The following LRRC56 variants were observed in gnomAD, a reference collection of about 807,000 sequenced individuals.
LRRC56 encodes the protein leucine rich repeat containing 56.
Under a neutral mutation model 47.8 loss-of-function variants are expected in LRRC56, and 41 were observed. The observed-to-expected ratio is 0.86, with a 90% confidence interval of 0.67 to 1.11. The LOEUF (loss-of-function observed/expected upper bound fraction) is 1.11, where lower values mean the gene tolerates loss of function less well. LRRC56 is among the 50% of genes most tolerant of loss of function. LRRC56 has a pLI of 0.00. For synonymous variants in LRRC56, 387 were observed against 311.2 expected (o/e 1.24, Z -2.56); for missense variants, 759 against 704.2 (o/e 1.08, Z -0.88).
At chr11:546,036 C>T (rs764427966) in intron 6 of LRRC56, among the ~76,000 whole-genome samples, 2 of 152,138 alleles carry the variant, frequency 1.3e-5, no homozygotes, top group Non-Finnish European at 2.9e-5. Flanking sequence ...TTTGGGAGGC[C>T]GAGGTGGGCA....
intron 7 of LRRC56, 30 bp from the exon 8 acceptor site, chr11:550,042 G>A (rs373024894): frequency 6.2e-7 from 1 of 1,611,474 alleles, no homozygotes; most frequent in Non-Finnish European, 8.5e-7. Context: ...GGCTGGGCCG[G>A]GCCCTGGCTC....
chr11:533,759 G>T (rs1367770571), upstream of LRRC56: 2 of 1,613,242 alleles, frequency 1.2e-6, no homozygotes, highest in Non-Finnish European at 1.7e-6. Context: ...AGCCTCACGG[G>T]GTTCACCTGT....
chr11:535,309 C>CT (rs1851416432), upstream of LRRC56: 1 of 127,186 alleles, frequency 7.9e-6, no homozygotes, highest in African/African-American at 2.9e-5. Context: ...CCGCCGCCGC[C>CT]GCCGCTTACG....
At chr11:549,278 G>A (rs147644436) in intron 6 of LRRC56, among the ~76,000 whole-genome samples, 1 of 152,344 alleles carries the variant, frequency 6.6e-6, no homozygotes, top group African/African-American at 2.4e-5. Flanking sequence ...TGGCGTAGCA[G>A]CGCTGAAGGG....
At chr11:523,934 G>T in the LRRC56 span, among the ~76,000 whole-genome samples, 4 of 151,760 alleles carry the variant, frequency 2.6e-5, no homozygotes, top group Non-Finnish European at 5.9e-5. Flanking sequence ...TCTCAAAAAA[G>T]AATAATAAAC....
rs1851797425 is a variant in LRRC56 at position 541,591 on chromosome 11, G to T, written c.232G>T (p.Val78Leu). ...GCTGGTGAGGACGCTGGAGATGTGT[G>T]TGGACACTCGTGAGGGCAGCCTGGG... is the stretch of plus-strand genomic sequence containing the variant. ...LRLVRTLEMC[V>L]DTREGSLGNF... Residue 78 changes from valine (V) to leucine (L), a missense_variant, in exon 5 of 14, where the codon GTG becomes TTG. Physicochemically the swap from Val to Leu is conservative, Grantham distance 32 (BLOSUM62 1). Transcript: ENST00000270115. The surrounding 1 kb of genome is among the most constrained non-coding windows in gnomAD (Gnocchi z 4.1). The T allele has an allele frequency of 6.3e-7, 1 of 1,590,554 alleles. No individual in the cohort carries two copies. Among genetic ancestry groups the T allele is most frequent in the African/African-American group, 1.4e-5 (1 of 73,802 alleles).
upstream of LRRC56, chr11:534,416 C>G: frequency 1.3e-6 from 1 of 757,326 alleles, no homozygotes; most frequent in Non-Finnish European, 2.0e-6. Context: ...CAGGCCCAGC[C>G]CCAGGCCCCA....
the LRRC56 span, among the ~76,000 whole-genome samples, chr11:524,281 C>T: frequency 7.2e-5 from 11 of 152,086 alleles, no homozygotes; most frequent in African/African-American, 2.4e-4. Flanking sequence ...CAGAAACGGA[C>T]GCACACAAAT....
chr11:518,427 C>T, the LRRC56 span, among the ~76,000 whole-genome samples: 6 of 152,158 alleles, frequency 3.9e-5, no homozygotes, highest in African/African-American at 1.2e-4. Context: ...GTGATCCACC[C>T]GCCTCGGCCT....
At position 554,261 on chromosome 11, in the gene LRRC56, C is replaced by T. The variant is rs529200441; in HGVS notation, c.1614C>T (p.Ser538=). 2.0e-6 allele frequency: 3 copies of T among 1,494,454 alleles called. No individual in the cohort carries two copies. The highest frequency in any genetic ancestry group is 2.7e-6 in the Non-Finnish European group (3 of 1,126,248). The allele number at this position is 1,494,454 out of a possible 1,614,324, so 92.6% of individuals were successfully genotyped here. A position where few individuals can be genotyped will look rare whatever the true frequency, so the allele number is the denominator to read the frequency against. The change falls in exon 14 of 14, where the codon AGC becomes AGT. Residue 538 remains serine (S), a synonymous_variant. Coordinates refer to ENST00000270115, the MANE Select transcript of LRRC56 (RefSeq NM_198075.4). ...PPRAAELSHP[S]PVPT ...GGGCAGCTGAACTCTCTCACCCCAG[C>T]CCCGTCCCCACTTAATATAGCCCCC...
At chr11:506,865 G>C in the LRRC56 span, 1 of 152,298 alleles carries the variant, frequency 6.6e-6, no homozygotes, top group Non-Finnish European at 1.5e-5. Context: ...AAAGGGGAGC[G>C]TGCACCGCGA....
At chr11:544,920 A>ACCCCACGTGAC in intron 6 of LRRC56, 140 bp downstream of exon 6, 1 of 862,550 alleles carries the variant, frequency 1.2e-6, no homozygotes, top group South Asian at 1.5e-5. Context: ...AGAGAGCTCC[A>ACCCCACGTGAC]TCCTGCTGGC....
the LRRC56 span, among the ~76,000 whole-genome samples, chr11:526,532 C>T: frequency 1.3e-5 from 2 of 152,298 alleles, no homozygotes; most frequent in African/African-American, 4.8e-5. Context: ...CCTCGGGGGG[C>T]ACGGTACACA....
the LRRC56 span, among the ~76,000 whole-genome samples, chr11:508,303 C>T: frequency 6.6e-6 from 1 of 152,124 alleles, no homozygotes; most frequent in Non-Finnish European, 1.5e-5. Flanking sequence ...GTAGCTGGTA[C>T]CACAGGCGCC....
At chr11:534,349 G>T (rs899369364), upstream of LRRC56, 7 of 1,576,972 alleles carry the variant, frequency 4.4e-6, no homozygotes, top group Non-Finnish European at 6.1e-6. Flanking sequence ...GCGGCCCGGG[G>T]TCCTCCTACA....
intron 1 of LRRC56, among the ~76,000 whole-genome samples, chr11:538,361 C>T (rs1851624688): frequency 6.6e-6 from 1 of 152,150 alleles, no homozygotes; most frequent in African/African-American, 2.4e-5. Context: ...TGGAGGTGGC[C>T]AGAGTCTTTG....
the LRRC56 span, among the ~76,000 whole-genome samples, chr11:515,835 C>T: frequency 6.6e-6 from 1 of 152,078 alleles, no homozygotes; most frequent in African/African-American, 2.4e-5. Flanking sequence ...GAGACTCCAT[C>T]TCAAAAAAAT....
At chr11:549,254 G>A (rs1033408083) in intron 6 of LRRC56, among the ~76,000 whole-genome samples, 3 of 152,216 alleles carry the variant, frequency 2.0e-5, no homozygotes, top group Admixed American at 1.3e-4. Flanking sequence ...CTTTCACAAG[G>A]AGAGGTGCAG....
chr11:512,949 C>T, the LRRC56 span, among the ~76,000 whole-genome samples: 1 of 152,164 alleles, frequency 6.6e-6, no homozygotes, highest in Non-Finnish European at 1.5e-5. Context: ...GGCAATGACC[C>T]CACGACCCAA....
Sources: gnomAD v4.1 joint callset for allele counts (sites outside exome capture counted in the v4.1 genomes callset) on GRCh38, gnomAD v4.1.1 for gene constraint, Gnocchi (gnomAD v3.1) non-coding constraint, MANE v1.5 for transcripts, NCBI Gene and HGNC (gene_info 2026-07-23, HGNC 2026-07-21) for gene names.